PRKD1: variants seen among roughly 807,000 people sequenced by gnomAD.
The protein encoded by PRKD1 is protein kinase D1.
A neutral mutation model predicts 95.9 loss-of-function variants in PRKD1; 63 were observed. The observed-to-expected ratio is 0.66, with a 90% CI of 0.54 to 0.81. The LOEUF (loss-of-function observed/expected upper bound fraction) is 0.81, where lower values mean the gene tolerates loss of function less well. Among genes scored for constraint, PRKD1 ranks in the 30% least tolerant of loss-of-function variants. The pLI, the probability that PRKD1 is intolerant of heterozygous loss-of-function variation, is 0.00. For synonymous variants in PRKD1, 425 were observed against 423.1 expected (o/e 1.00, Z -0.05); for missense variants, 1,048 against 1,165.3 (o/e 0.90, Z 1.47).
chr14:29,824,339 A>G (rs1015615181), intron 1 of PRKD1, among the ~76,000 whole-genome samples: 1 of 152,190 alleles, frequency 6.6e-6, no homozygotes, highest in Non-Finnish European at 1.5e-5. Context: ...TGAAAATTAG[A>G]GGTAAGAACT....
intron 8 of PRKD1, among the ~76,000 whole-genome samples, chr14:29,633,535 C>G (rs781451289): frequency 2.1e-4 from 32 of 152,140 alleles, no homozygotes; most frequent in Non-Finnish European, 1.2e-4. Flanking sequence ...CACTACAGAT[C>G]TAACCACTAT....
At chr14:29,585,499 A>C (rs568642394) in intron 16 of PRKD1, among the ~76,000 whole-genome samples, 1 of 152,284 alleles carries the variant, frequency 6.6e-6, no homozygotes, top group African/African-American at 2.4e-5. Context: ...AAATTGTTTA[A>C]ACACACCCAT....
At chr14:29,917,060 G>C (rs1440707470) in intron 1 of PRKD1, among the ~76,000 whole-genome samples, 1 of 152,136 alleles carries the variant, frequency 6.6e-6, no homozygotes, top group Non-Finnish European at 1.5e-5. Flanking sequence ...GGGGGGAAAT[G>C]TTCATGTTTA....
At position 29,872,307 on chromosome 14, in the gene PRKD1, C is replaced by T. The variant is rs1893135275; in HGVS notation, c.264+54942G>A. Among the ~76,000 whole-genome samples the T allele has an allele frequency of 2.0e-5, 3 of 152,210 alleles. No homozygotes were observed. In the South Asian group the frequency reaches 6.2e-4, roughly 32 times the overall value. On this transcript the variant is annotated intron_variant, in intron 1 of 17. Transcript: ENST00000331968. ...TATAATGACAAAAATACATTTTAAA[C>T]ATTCTTAAATAATTACTAGAATGAA...
chr14:29,583,974 G>C (rs1892832016), intron 16 of PRKD1, among the ~76,000 whole-genome samples: 3 of 152,118 alleles, frequency 2.0e-5, no homozygotes, highest in South Asian at 4.1e-4. Flanking sequence ...AAAGCAAAGA[G>C]AAAATTTTAT....
rs905857835 is a variant in PRKD1, at chr14:29,927,348, G to T, written c.165C>A (p.Ile55=). ...PVGGISFHLQ[I]GLSREPVLLL... The stretch of plus-strand genomic sequence containing the variant: ...GCAGCACCGGCTCACGGCTCAGGCC[G>T]ATCTGCAGATGGAACGAGATGCCCC... The change falls in exon 1 of 18, where the codon ATC becomes ATA. Residue 55 remains isoleucine (I), a synonymous_variant. Coordinates refer to ENST00000331968, the MANE Select transcript of PRKD1 (RefSeq NM_002742.3). 1 of 1,566,482 alleles carries T rather than the reference G, an allele frequency of 6.4e-7. No homozygotes were observed. Among genetic ancestry groups the T allele is most frequent in the Non-Finnish European group, 8.6e-7 (1 of 1,158,354 alleles).
intron 1 of PRKD1, among the ~76,000 whole-genome samples, chr14:29,843,381 G>A (rs1891944328): frequency 1.3e-5 from 2 of 152,050 alleles, no homozygotes; most frequent in African/African-American, 4.8e-5. Flanking sequence ...ACTTTTTTAT[G>A]GCAGCTCCAG....
intron 1 of PRKD1, among the ~76,000 whole-genome samples, chr14:29,751,369 C>G (rs1432019773): frequency 6.6e-6 from 1 of 152,134 alleles, no homozygotes; most frequent in Non-Finnish European, 1.5e-5. Flanking sequence ...TCTGGGGAAT[C>G]TTTTTCCTTC....
chr14:29,676,226 A>T (rs10143659), intron 2 of PRKD1, among the ~76,000 whole-genome samples: 62,507 of 121,884 alleles, frequency 0.51, 16,128 homozygotes, highest in African/African-American at 0.71. Flanking sequence ...TTCATTTTGT[A>T]AAGATTCCAC....
At chr14:29,786,488 G>C (rs774285082) in intron 1 of PRKD1, among the ~76,000 whole-genome samples, 1 of 152,018 alleles carries the variant, frequency 6.6e-6, no homozygotes, top group Non-Finnish European at 1.5e-5. Context: ...TCTTTGGTTG[G>C]AGACTTTTTG....
intron 1 of PRKD1, among the ~76,000 whole-genome samples, chr14:29,815,663 A>T (rs769806570): frequency 2.6e-5 from 4 of 152,202 alleles, no homozygotes; most frequent in Non-Finnish European, 5.9e-5. Context: ...TTCCTAAGTG[A>T]CTATTAAGAA....
chr14:29,794,739 G>A (rs1216780599), intron 1 of PRKD1, among the ~76,000 whole-genome samples: 1 of 151,540 alleles, frequency 6.6e-6, no homozygotes, highest in Non-Finnish European at 1.5e-5. Context: ...CAGTCTGTCT[G>A]GTGACTAAGT....
At chr14:29,705,772 G>A (rs2139340406) in intron 2 of PRKD1, among the ~76,000 whole-genome samples, 1 of 152,014 alleles carries the variant, frequency 6.6e-6, no homozygotes, top group South Asian at 2.1e-4. Context: ...ATGTTTTGCA[G>A]GTTCATCCAT....
intron 1 of PRKD1, among the ~76,000 whole-genome samples, chr14:29,842,444 A>C (rs886112938): frequency 2.0e-5 from 3 of 152,188 alleles, no homozygotes; most frequent in Non-Finnish European, 2.9e-5. Flanking sequence ...AGATGACGGG[A>C]ATTATCCTCA....
At chr14:29,807,788 T>C (rs982415969) in intron 1 of PRKD1, among the ~76,000 whole-genome samples, 3 of 151,584 alleles carry the variant, frequency 2.0e-5, no homozygotes, top group Non-Finnish European at 4.4e-5. Flanking sequence ...TGGCATGATC[T>C]TCGGCTCACT....
In PRKD1 at chr14:29,786,588, A is replaced by G. The variant is rs1889284855; in HGVS notation, c.265-60914T>C. Among the ~76,000 whole-genome samples, 5 of 152,082 alleles carry G rather than the reference A, an allele frequency of 3.3e-5. No individual in the cohort carries two copies. The South Asian group carries it at 1.0e-3, about 32-fold the overall frequency. On this transcript the variant is annotated intron_variant, in intron 1 of 17. Transcript: ENST00000331968. ...CTTGATAGGCTGTGTGTGTCCAAGAATTTGCCTGTTTCCTACAGGTTTTCC... is the reference window on the plus strand; with the variant it reads ...CTTGATAGGCTGTGTGTGTCCAAGAGTTTGCCTGTTTCCTACAGGTTTTCC...
chr14:29,737,111 A>G (rs1886754931), intron 1 of PRKD1, among the ~76,000 whole-genome samples: 1 of 151,414 alleles, frequency 6.6e-6, no homozygotes, highest in South Asian at 2.1e-4. Flanking sequence ...TCATGAGGTC[A>G]GGAGATCGAG....
At chr14:29,901,728 T>C (rs1894325700) in intron 1 of PRKD1, among the ~76,000 whole-genome samples, 1 of 152,126 alleles carries the variant, frequency 6.6e-6, no homozygotes, top group South Asian at 2.1e-4. Flanking sequence ...TGTCAGTCAA[T>C]AATATTACCT....
intron 13 of PRKD1, among the ~76,000 whole-genome samples, chr14:29,617,958 C>T (rs2139069759): frequency 6.6e-6 from 1 of 152,064 alleles, no homozygotes; most frequent in East Asian, 1.9e-4. Flanking sequence ...GTAGTTCCAG[C>T]TCATCAAGAG....
Sources: gnomAD v4.1 joint callset for allele counts (sites outside exome capture counted in the v4.1 genomes callset) on GRCh38, gnomAD v4.1.1 for gene constraint, MANE v1.5 for transcripts, NCBI Gene and HGNC (gene_info 2026-07-23, HGNC 2026-07-21) for gene names.